Variants in DERA observed in about 807,000 individuals in gnomAD.
DERA encodes 2-deoxy-D-ribose 5-phosphate aldolase.
DERA carries 15 observed loss-of-function variants against 41.1 expected under a neutral mutation model. The observed-to-expected ratio is 0.37, with a 90% CI of 0.24 to 0.56. The LOEUF (loss-of-function observed/expected upper bound fraction) is 0.56. DERA is among the 20% of genes least tolerant of loss of function. The pLI is 0.81. For synonymous variants in DERA, 139 were observed against 137.4 expected, an observed-to-expected ratio of 1.01 and a Z score of -0.08; for missense variants, 396 against 403.4, an observed-to-expected ratio of 0.98 and a Z score of 0.16.
rs532372079 is a variant in DERA, at chr12:16,013,346, G to A, written c.638-19196G>A. 1.8e-4 allele frequency among the ~76,000 whole-genome samples: 27 copies of A among 152,178 alleles called. No individual in the cohort carries two copies. Among genetic ancestry groups the A allele is most frequent in the Non-Finnish European group, 3.5e-4 (24 of 68,036 alleles). On this transcript the variant is annotated intron_variant, in intron 6 of 8. Transcript: ENST00000428559. The surrounding 1 kb of genome is among the most constrained non-coding windows in gnomAD (Gnocchi z 5.8). ...CCCCACATGTTAAAGGTGAGACCAG[G>A]TGGAGGTAATTGAATCATGAGGGCA...
chr12:16,001,675 A>G lies in DERA; in HGVS notation c.637+19239A>G, dbSNP rs544862836. ...GGCTTAGTAGAGTAGTTGGAATAAA[A>G]TTACAACTGAGGAAGGACAAGAATA... On this transcript the variant is annotated intron_variant, in intron 6 of 8. Coordinates refer to ENST00000428559, the MANE Select transcript of DERA (RefSeq NM_015954.4). The surrounding 1 kb of genome is among the most constrained non-coding windows in gnomAD (Gnocchi z 4.1). Among the ~76,000 whole-genome samples the G allele has an allele frequency of 3.9e-5, 6 of 152,198 alleles. No homozygotes were observed. The highest frequency in any genetic ancestry group is 8.8e-5 in the Non-Finnish European group (6 of 68,034).
Position 15,970,606 on chromosome 12 carries a change from C to G in DERA, c.508+7659C>G, listed in dbSNP as rs1426645414. Among the ~76,000 whole-genome samples the G allele has an allele frequency of 6.6e-6, 1 of 150,922 alleles. No individual in the cohort carries two copies. Among genetic ancestry groups the G allele is most frequent in the African/African-American group, 2.4e-5 (1 of 41,016 alleles). On this transcript the variant is annotated intron_variant, in intron 5 of 8. Coordinates refer to ENST00000428559, the MANE Select transcript of DERA (RefSeq NM_015954.4). The surrounding 1 kb of genome is among the most constrained non-coding windows in gnomAD (Gnocchi z 4.3). ...TTTCATTTCTTTTTTTAAAATACAC[C>G]ATTCTATTTTTGAAAATAATGTTAA...
rs1364686422 is a variant in DERA, at chr12:15,941,888, T to A, written c.32-15048T>A. 6.6e-6 allele frequency among the ~76,000 whole-genome samples: 1 copy of A among 152,232 alleles called. No individual in the cohort carries two copies. The highest frequency in any genetic ancestry group is 1.5e-5 in the Non-Finnish European group (1 of 68,036). On this transcript the variant is annotated intron_variant, in intron 1 of 8. Transcript: ENST00000428559. This position sits in a 1 kb window ranked among gnomAD's most constrained non-coding sequence, Gnocchi z 4.5. ...ACTTCTTTTCCTTTGGGAAGATACC[T>A]AATAGTGGGATTGCTGGATTGAATG...
At chr12:15,949,848 C>G (rs1419954048) in intron 1 of DERA, among the ~76,000 whole-genome samples, 1 of 152,182 alleles carries the variant, frequency 6.6e-6, no homozygotes, top group Non-Finnish European at 1.5e-5. Flanking sequence ...AACCACCTAC[C>G]TGTTTCTTCT....
chr12:16,027,574 G>T (rs570683690), intron 6 of DERA, among the ~76,000 whole-genome samples: 14 of 152,320 alleles, frequency 9.2e-5, no homozygotes, highest in South Asian at 2.1e-4. Context: ...AGCAGGAATT[G>T]GAGTGATGCA....
At chr12:15,919,317 A>G (rs1471984155) in intron 1 of DERA, among the ~76,000 whole-genome samples, 1 of 152,180 alleles carries the variant, frequency 6.6e-6, no homozygotes, top group Non-Finnish European at 1.5e-5. Flanking sequence ...AGGAAGGAAG[A>G]AAAACTTCAA....
chr12:15,994,558 A>C lies in DERA; in HGVS notation c.637+12122A>C, dbSNP rs561710398. On this transcript the variant is annotated intron_variant, in intron 6 of 8. Coordinates refer to ENST00000428559, the MANE Select transcript of DERA (RefSeq NM_015954.4). This position sits in a 1 kb window ranked among gnomAD's most constrained non-coding sequence, Gnocchi z 4.8. ...AAGCTCTGCCTCCCGGGTTCACGCC[A>C]TTCTCCTGCCTCAGCCTCCTGAATA... Among the ~76,000 whole-genome samples the C allele has an allele frequency of 7.9e-5, 12 of 152,286 alleles. No individual in the cohort carries two copies. The highest frequency in any genetic ancestry group is 7.8e-4 in the Admixed American group (12 of 15,300).
intron 1 of DERA, among the ~76,000 whole-genome samples, chr12:15,925,432 T>C (rs1948274942): frequency 6.6e-6 from 1 of 152,166 alleles, no homozygotes; most frequent in African/African-American, 2.4e-5. Flanking sequence ...AAGGCCTACC[T>C]ATCTGTAAAC....
chr12:15,963,506 C>G (rs556425250), intron 5 of DERA, among the ~76,000 whole-genome samples: 1 of 152,190 alleles, frequency 6.6e-6, no homozygotes, highest in Admixed American at 6.5e-5. Context: ...AAGACATTGC[C>G]CTTTCCAGCA....
At chr12:15,971,018 C>G (rs931328049) in intron 5 of DERA, among the ~76,000 whole-genome samples, 3 of 152,278 alleles carry the variant, frequency 2.0e-5, no homozygotes, top group South Asian at 2.1e-4. Flanking sequence ...GTGTCCACAC[C>G]ATGGGACATG....
At chr12:16,015,606 C>T (rs563600013) in intron 6 of DERA, among the ~76,000 whole-genome samples, 12 of 152,254 alleles carry the variant, frequency 7.9e-5, no homozygotes, top group East Asian at 1.9e-4. Flanking sequence ...GGTATGAAAA[C>T]GGACTAATAC....
rs1410199308 is a variant in DERA, at chr12:15,931,915, A to G, written c.31+20501A>G. On this transcript the variant is annotated intron_variant, in intron 1 of 8. Coordinates refer to ENST00000428559, the MANE Select transcript of DERA (RefSeq NM_015954.4). The surrounding 1 kb of genome is among the most constrained non-coding windows in gnomAD (Gnocchi z 4.6). ...GTGAGTTTTTTTGCACATACCTGCT[A>G]CCTTTCACGTGTCCGCTTCCCCTTT... Among the ~76,000 whole-genome samples the G allele has an allele frequency of 6.6e-6, 1 of 152,048 alleles. No homozygotes were observed. Among genetic ancestry groups the G allele is most frequent in the Non-Finnish European group, 1.5e-5 (1 of 68,014 alleles).
rs560176946 is a variant in DERA at position 15,920,168 on chromosome 12, T to C, written c.31+8754T>C. 5.9e-5 allele frequency among the ~76,000 whole-genome samples: 9 copies of C among 152,362 alleles called. No individual in the cohort carries two copies. The East Asian group carries it at 1.5e-3, about 26-fold the overall frequency. On this transcript the variant is annotated intron_variant, in intron 1 of 8. Coordinates refer to ENST00000428559, the MANE Select transcript of DERA (RefSeq NM_015954.4). ...ATTCTTGAATAAACATTACCTCTTATGAATATTTCAGATACTCTTTTCTAG... is the reference window on the plus strand; with the variant it reads ...ATTCTTGAATAAACATTACCTCTTACGAATATTTCAGATACTCTTTTCTAG...
In DERA at chr12:16,032,561, C is replaced by T. The variant is rs1316242651; in HGVS notation, c.657C>T (p.Thr219=). Reference sequence around the variant, plus strand: ...TTTTAGGATCAGATTTTATTAAGACCTCTACTGGAAAAGAAACAGTAAATG... The same window carrying T: ...TTTTAGGATCAGATTTTATTAAGACTTCTACTGGAAAAGAAACAGTAAATG... The part of the protein sequence containing the change: ...AMMAGSDFIK[T]STGKETVNAT... The change falls in exon 7 of 9, where the codon ACC becomes ACT. Residue 219 remains threonine (T), a synonymous_variant. Coordinates refer to ENST00000428559, the MANE Select transcript of DERA (RefSeq NM_015954.4). The T allele has an allele frequency of 1.3e-6, 2 of 1,541,850 alleles. No individual in the cohort carries two copies. The highest frequency in any genetic ancestry group is 1.2e-5 in the South Asian group (1 of 81,052).
In DERA at chr12:15,931,229, C is replaced by T. The variant is rs1948325263; in HGVS notation, c.31+19815C>T. 6.6e-6 allele frequency among the ~76,000 whole-genome samples: 1 copy of T among 152,184 alleles called. No homozygotes were observed. The highest frequency in any genetic ancestry group is 2.4e-5 in the African/African-American group (1 of 41,446). ...ATAGCAGCTTTAGGAATAACATTTT[C>T]AGTTGACCGATAGTATAAATTCAAT... On this transcript the variant is annotated intron_variant, in intron 1 of 8. Transcript: ENST00000428559. The surrounding 1 kb of genome is among the most constrained non-coding windows in gnomAD (Gnocchi z 4.6).
chr12:16,022,822 G>A (rs1949025404), intron 6 of DERA, among the ~76,000 whole-genome samples: 1 of 152,128 alleles, frequency 6.6e-6, no homozygotes, highest in Admixed American at 6.5e-5. Flanking sequence ...ATTACTGGAG[G>A]CTGAGTGTGG....
chr12:15,974,076 A>G (rs952760286), intron 5 of DERA, among the ~76,000 whole-genome samples: 1 of 152,166 alleles, frequency 6.6e-6, no homozygotes, highest in Non-Finnish European at 1.5e-5. Flanking sequence ...TACATATATA[A>G]ATTATGTATT....
rs1592034494 is a variant in DERA at position 15,984,180 on chromosome 12, G to A, written c.637+1744G>A. Among the ~76,000 whole-genome samples the A allele has an allele frequency of 2.0e-5, 3 of 152,162 alleles. No individual in the cohort carries two copies. Among genetic ancestry groups the A allele is most frequent in the African/African-American group, 7.2e-5 (3 of 41,442 alleles). ...AGATACTCCTCAGGGTCACATCGGA[G>A]CCAATCTTGTGATACCTGTTACCCC... On this transcript the variant is annotated intron_variant, in intron 6 of 8. Transcript: ENST00000428559. The surrounding 1 kb of genome is among the most constrained non-coding windows in gnomAD (Gnocchi z 4.5).
rs1337287469 is a variant in DERA at position 15,928,937 on chromosome 12, T to C, written c.31+17523T>C. Among the ~76,000 whole-genome samples the C allele has an allele frequency of 6.6e-6, 1 of 152,240 alleles. No homozygotes were observed. The highest frequency in any genetic ancestry group is 1.5e-5 in the Non-Finnish European group (1 of 68,052). On this transcript the variant is annotated intron_variant, in intron 1 of 8. Transcript: ENST00000428559. The surrounding 1 kb of genome is among the most constrained non-coding windows in gnomAD (Gnocchi z 4.6). The stretch of plus-strand genomic sequence containing the variant: ...CTTACTTTTCTCAGCCTTCTAGATC[T>C]GTAGCTGTTAAATCCTGTCCTGCAG...
Sources: allele counts gnomAD v4.1 joint callset (sites outside exome capture counted in the v4.1 genomes callset), GRCh38; gene constraint gnomAD v4.1.1; non-coding constraint Gnocchi (gnomAD v3.1); transcripts MANE v1.5; gene names NCBI Gene and HGNC (gene_info 2026-07-23, HGNC 2026-07-21).